Variants in SGMS1 observed in about 807,000 individuals in gnomAD.
The protein encoded by SGMS1 is sphingomyelin synthase 1.
In SGMS1, 13 loss-of-function variants were observed where a neutral mutation model predicts 46.2. The observed-to-expected ratio is 0.28, with a 90% CI of 0.18 to 0.45. SGMS1 has a LOEUF of 0.45. Ranked by LOEUF, SGMS1 falls within the 20% of genes least tolerant of loss-of-function variation. SGMS1 has a pLI of 1.00. For missense variants in SGMS1, 324 were observed against 519.9 expected (o/e 0.62, Z 3.66); for synonymous variants, 203 against 187.8 (o/e 1.08, Z -0.66).
chr10:50,542,664 C>T (rs1302690429), intron 2 of SGMS1, among the ~76,000 whole-genome samples: 1 of 142,724 alleles, frequency 7.0e-6, no homozygotes, highest in Non-Finnish European at 1.5e-5. Context: ...CACACATATA[C>T]AGAAATGCAC....
intron 6 of SGMS1, among the ~76,000 whole-genome samples, chr10:50,427,361 A>T (rs939272459): frequency 2.0e-5 from 3 of 152,184 alleles, no homozygotes; most frequent in Admixed American, 1.3e-4. Flanking sequence ...ATGGCGCCAC[A>T]GCACTCCAGC....
chr10:50,470,021 T>C (rs1475931537), intron 3 of SGMS1, among the ~76,000 whole-genome samples: 1 of 152,194 alleles, frequency 6.6e-6, no homozygotes, highest in African/African-American at 2.4e-5. Context: ...AGTGGTTTCC[T>C]GAAGCAACAC....
intron 5 of SGMS1, among the ~76,000 whole-genome samples, chr10:50,451,901 A>T (rs1837114733): frequency 6.6e-6 from 1 of 152,182 alleles, no homozygotes; most frequent in African/African-American, 2.4e-5. Context: ...TATTCTACTA[A>T]TTGCAACTAT....
At chr10:50,385,077 C>T (rs535170144) in intron 6 of SGMS1, among the ~76,000 whole-genome samples, 8 of 151,872 alleles carry the variant, frequency 5.3e-5, no homozygotes, top group African/African-American at 1.4e-4. Context: ...TTTTTTTTAC[C>T]GAATATCTCC....
chr10:50,355,950 T>C (rs1228846747), intron 6 of SGMS1, among the ~76,000 whole-genome samples: 1 of 151,078 alleles, frequency 6.6e-6, no homozygotes, highest in Non-Finnish European at 1.5e-5. Flanking sequence ...GTAAGGAGCA[T>C]CTCTGACCGG....
chr10:50,343,947 A>G lies in SGMS1; in HGVS notation c.168T>C (p.Asn56=), dbSNP rs10763354. 838,308 of 1,613,740 alleles carry G rather than the reference A, an allele frequency of 0.52. 219,767 individuals carry two copies. Among genetic ancestry groups the G allele is most frequent in the Admixed American group, 0.65 (38,773 of 60,006 alleles). The part of the protein sequence containing the change: ...KPPLCRVSSD[N]GQRLLDMIET... ...CTATCATGTCCAGGAGCCGCTGCCC[A>G]TTGTCAGAGGAGACTCGGCACAAGG... is the stretch of plus-strand genomic sequence containing the variant. The change falls in exon 7 of 11, where the codon AAT becomes AAC. Residue 56 remains asparagine (N), a synonymous_variant. Transcript: ENST00000361781.
At chr10:50,407,114 T>C (rs146878156) in intron 6 of SGMS1, among the ~76,000 whole-genome samples, 98 of 152,278 alleles carry the variant, frequency 6.4e-4, no homozygotes, top group Non-Finnish European at 1.1e-3. Context: ...ACTAGTAGCA[T>C]TTCTGCAGTA....
intron 3 of SGMS1, among the ~76,000 whole-genome samples, chr10:50,473,692 C>A (rs371869753): frequency 3.3e-5 from 5 of 152,288 alleles, no homozygotes; most frequent in African/African-American, 1.2e-4. Context: ...TATATTCAAA[C>A]CAGATTTGTA....
chr10:50,352,573 G>A (rs893851930), intron 6 of SGMS1, among the ~76,000 whole-genome samples: 2 of 152,152 alleles, frequency 1.3e-5, no homozygotes, highest in Non-Finnish European at 2.9e-5. Flanking sequence ...TCATATCTAA[G>A]TTTTAGAGAT....
chr10:50,608,584 T>C (rs1838718390), intron 1 of SGMS1, among the ~76,000 whole-genome samples: 1 of 152,060 alleles, frequency 6.6e-6, no homozygotes, highest in African/African-American at 2.4e-5. Context: ...AAAAGAGAGT[T>C]TCAAGGAAGA....
Position 50,623,566 on chromosome 10 carries a change from C to A in SGMS1, c.-684+141G>T, listed in dbSNP as rs927489477. On this transcript the variant is annotated intron_variant, in intron 1 of 10. Transcript: ENST00000361781. ...CTGCCCGCCAGGTACGCGCGCGGCA[C>A]CGCGCGGGCTGCGCTCACGCCCCCT... is the stretch of plus-strand genomic sequence containing the variant. 5 of 984,774 alleles carry A rather than the reference C, an allele frequency of 5.1e-6. No individual in the cohort carries two copies. In the Admixed American group the frequency reaches 2.5e-4, roughly 48 times the overall value. 61.0% of individuals were successfully genotyped at this position (984,774 alleles called of 1,614,324 possible).
At chr10:50,405,907 C>G (rs906483164) in intron 6 of SGMS1, among the ~76,000 whole-genome samples, 2 of 152,066 alleles carry the variant, frequency 1.3e-5, no homozygotes, top group Non-Finnish European at 2.9e-5. Flanking sequence ...ACTTAATCCT[C>G]AAAAGTCCCC....
chr10:50,507,915 C>A (rs982381714), intron 3 of SGMS1, among the ~76,000 whole-genome samples: 5 of 152,172 alleles, frequency 3.3e-5, no homozygotes, highest in Non-Finnish European at 7.4e-5. Context: ...GGTTCCAAGC[C>A]AGTGGCTCCT....
intron 3 of SGMS1, among the ~76,000 whole-genome samples, chr10:50,514,403 T>G (rs1213307391): frequency 6.6e-6 from 1 of 152,202 alleles, no homozygotes; most frequent in Non-Finnish European, 1.5e-5. Context: ...TCCCGGACTC[T>G]TTTGCAGCTA....
chr10:50,550,127 A>G (rs1838136058), intron 2 of SGMS1, among the ~76,000 whole-genome samples: 1 of 152,236 alleles, frequency 6.6e-6, no homozygotes, highest in Admixed American at 6.5e-5. Context: ...CTTTTCCAAG[A>G]AAAGGAGACT....
At position 50,307,611 on chromosome 10, in the gene SGMS1, T is replaced by C. The variant is rs927334642; in HGVS notation, c.1063-290A>G. Reference sequence around the variant, plus strand: ...TAGCTTTTTAGGTATTCCTCTTCTATGCTAAAAATGTTAACACTTAATTAA... The same window carrying C: ...TAGCTTTTTAGGTATTCCTCTTCTACGCTAAAAATGTTAACACTTAATTAA... On this transcript the variant is annotated intron_variant, in intron 10 of 10. Coordinates refer to ENST00000361781, the MANE Select transcript of SGMS1 (RefSeq NM_147156.4). This position sits in a 1 kb window ranked among gnomAD's most constrained non-coding sequence, Gnocchi z 4.2. 3.3e-5 allele frequency among the ~76,000 whole-genome samples: 5 copies of C among 152,182 alleles called. No homozygotes were observed. The highest frequency in any genetic ancestry group is 7.2e-5 in the African/African-American group (3 of 41,438).
intron 3 of SGMS1, among the ~76,000 whole-genome samples, chr10:50,507,969 C>A (rs929331852): frequency 6.6e-6 from 1 of 152,108 alleles, no homozygotes; most frequent in Non-Finnish European, 1.5e-5. Flanking sequence ...AGGAAGAGAA[C>A]CATTTAATCC....
At chr10:50,560,535 CATA>C (rs1234373068) in intron 2 of SGMS1, among the ~76,000 whole-genome samples, 2 of 142,716 alleles carry the variant, frequency 1.4e-5, no homozygotes, top group Non-Finnish European at 3.0e-5. Flanking sequence ...ACATATAATA[CATA>C]ATATTTATGT....
intron 5 of SGMS1, among the ~76,000 whole-genome samples, chr10:50,435,537 T>C (rs953724938): frequency 6.6e-6 from 1 of 152,214 alleles, no homozygotes; most frequent in Non-Finnish European, 1.5e-5. Context: ...CCACCTTAGT[T>C]GACAGCCTTT....
Sources: allele counts gnomAD v4.1 joint callset (sites outside exome capture counted in the v4.1 genomes callset), GRCh38; gene constraint gnomAD v4.1.1; non-coding constraint Gnocchi (gnomAD v3.1); transcripts MANE v1.5; gene names NCBI Gene and HGNC (gene_info 2026-07-23, HGNC 2026-07-21).